Variants in TSHZ3 observed in about 807,000 individuals in gnomAD.
TSHZ3 encodes the protein teashirt homolog 3.
A neutral mutation model predicts 64.5 loss-of-function variants in TSHZ3; 10 were observed. That is an observed-to-expected ratio of 0.16 (90% CI 0.10 to 0.26). The LOEUF (loss-of-function observed/expected upper bound fraction) is 0.26. Among genes scored for constraint, TSHZ3 ranks in the 10% least tolerant of loss-of-function variants. The pLI, the probability that TSHZ3 is intolerant of heterozygous loss-of-function variation, is 1.00. For synonymous variants in TSHZ3, 608 were observed against 593.1 expected, an observed-to-expected ratio of 1.03 and a Z score of -0.36; for missense variants, 1,242 against 1,421.7, an observed-to-expected ratio of 0.87 and a Z score of 2.03.
At chr19:31,220,958 T>G (rs1350565588) in intron 4 of TSHZ3, among the ~76,000 whole-genome samples, 1 of 152,192 alleles carries the variant, frequency 6.6e-6, no homozygotes, top group African/African-American at 2.4e-5. Context: ...CCAAAAGTAG[T>G]TACATAAGAA....
upstream of TSHZ3, among the ~76,000 whole-genome samples, chr19:31,350,412 C>T (rs996050135): frequency 1.2e-4 from 18 of 151,616 alleles, no homozygotes; most frequent in Non-Finnish European, 1.9e-4. Flanking sequence ...TCCCTCCACC[C>T]CGCCCCTCGC....
chr19:31,273,696 C>T (rs572849204), downstream of TSHZ3, among the ~76,000 whole-genome samples: 11 of 152,316 alleles, frequency 7.2e-5, no homozygotes, highest in South Asian at 2.3e-3. Flanking sequence ...GTCTCTGTCC[C>T]CTGAGACGCA....
Position 31,170,688 on chromosome 19 carries a change from C to T in TSHZ3, n.810-14271G>A, listed in dbSNP as rs79549232. Among the ~76,000 whole-genome samples, 1,386 of 152,312 alleles carry T rather than the reference C, an allele frequency of 9.1e-3. 24 individuals are homozygous for T. The highest frequency in any genetic ancestry group is 0.032 in the African/African-American group (1,313 of 41,576). ...GAAATTAAAAGTAACCTACAAAACA[C>T]CTGATTTTGAAAAGATGTTTCCCCA... On this transcript the variant is annotated intron_variant and non_coding_transcript_variant, in intron 5 of 6. Coordinates refer to the TSHZ3 transcript ENST00000651361.
At chr19:31,172,644 T>A (rs1331980282) in intron 5 of TSHZ3, among the ~76,000 whole-genome samples, 2 of 152,166 alleles carry the variant, frequency 1.3e-5, no homozygotes, top group Non-Finnish European at 2.9e-5. Flanking sequence ...ATCATGAACA[T>A]AAAGATCATA....
chr19:31,339,030 TGGTACCC>T (rs1917345691), intron 1 of TSHZ3, among the ~76,000 whole-genome samples: 1 of 151,998 alleles, frequency 6.6e-6, no homozygotes, highest in African/African-American at 2.4e-5. Context: ...AAATGATAAA[TGGTACCC>T]GAAGCCCGGC....
chr19:31,234,044 A>G (rs1187865837), intron 3 of TSHZ3, among the ~76,000 whole-genome samples: 1 of 152,006 alleles, frequency 6.6e-6, no homozygotes, highest in Non-Finnish European at 1.5e-5. Flanking sequence ...CCCATCCACT[A>G]ACAGGACATG....
At chr19:31,235,580 C>CTCTT (rs71173955) in intron 3 of TSHZ3, among the ~76,000 whole-genome samples, 54,549 of 149,814 alleles carry the variant, frequency 0.36, 13,641 homozygotes, top group African/African-American at 0.71. Flanking sequence ...TTCTTTCCTT[C>CTCTT]TCTTTTTTCT....
At chr19:31,190,323 G>T (rs911092204) in intron 5 of TSHZ3, among the ~76,000 whole-genome samples, 11 of 152,174 alleles carry the variant, frequency 7.2e-5, no homozygotes, top group African/African-American at 2.7e-4. Flanking sequence ...CTACAAGACA[G>T]AATGTGAACT....
chr19:31,316,892 T>G (rs1285704777), intron 1 of TSHZ3, among the ~76,000 whole-genome samples: 1 of 152,180 alleles, frequency 6.6e-6, no homozygotes, highest in Non-Finnish European at 1.5e-5. Context: ...TATTTCTCAA[T>G]TATTTGAGTC....
At chr19:31,341,001 C>A (rs1917416952) in intron 1 of TSHZ3, among the ~76,000 whole-genome samples, 1 of 152,250 alleles carries the variant, frequency 6.6e-6, no homozygotes, top group Non-Finnish European at 1.5e-5. Flanking sequence ...CCTTCTCACA[C>A]AGGCACCTTC....
intron 1 of TSHZ3, among the ~76,000 whole-genome samples, chr19:31,306,518 T>C (rs1043669027): frequency 1.3e-5 from 2 of 152,154 alleles, no homozygotes; most frequent in African/African-American, 4.8e-5. Flanking sequence ...AGGGCACACG[T>C]GCACGTGCGT....
chr19:31,317,202 C>T (rs1178192099), intron 1 of TSHZ3, among the ~76,000 whole-genome samples: 1 of 152,114 alleles, frequency 6.6e-6, no homozygotes, highest in African/African-American at 2.4e-5. Flanking sequence ...CTGGGCATGC[C>T]CCCAGCCCCA....
chr19:31,169,115 G>GA (rs552493903), intron 5 of TSHZ3, among the ~76,000 whole-genome samples: 63 of 144,342 alleles, frequency 4.4e-4, no homozygotes, highest in African/African-American at 1.2e-3. Flanking sequence ...AGCAGACATT[G>GA]AAAAAAAAAA....
intron 4 of TSHZ3, among the ~76,000 whole-genome samples, chr19:31,223,439 TG>T (rs977620715): frequency 2.6e-5 from 4 of 151,370 alleles, no homozygotes; most frequent in Non-Finnish European, 4.4e-5. Flanking sequence ...TATGTACATC[TG>T]AAAAGTCACC....
At chr19:31,264,067 T>C (rs1976017438) in intron 1 of TSHZ3, among the ~76,000 whole-genome samples, 1 of 152,038 alleles carries the variant, frequency 6.6e-6, no homozygotes, top group Non-Finnish European at 1.5e-5. Flanking sequence ...AGGAGTGCAG[T>C]GGGGAGATGG....
At chr19:31,158,508 C>T (rs1399950972) in intron 5 of TSHZ3, among the ~76,000 whole-genome samples, 1 of 152,104 alleles carries the variant, frequency 6.6e-6, no homozygotes, top group African/African-American at 2.4e-5. Context: ...TCTGGAGGCT[C>T]TAGAATGGTG....
At chr19:31,195,220 C>A (rs1599574794) in intron 5 of TSHZ3, among the ~76,000 whole-genome samples, 3 of 79,106 alleles carry the variant, frequency 3.8e-5, no homozygotes, top group African/African-American at 5.3e-5. Flanking sequence ...TAATGTCACA[C>A]ACCAACCACA....
chr19:31,249,424 A>C (rs1004298918), intron 1 of TSHZ3, among the ~76,000 whole-genome samples: 1 of 152,186 alleles, frequency 6.6e-6, no homozygotes, highest in East Asian at 1.9e-4. Flanking sequence ...GCAGGCCAGC[A>C]GGTTCCCTGT....
In TSHZ3 at chr19:31,170,313, C is replaced by A. The variant is rs190506014; in HGVS notation, n.810-13896G>T. ...ATGGGGGAAACAGAGCTCTGGTAGT[C>A]TCTTCCTCTCCTTATAAGGGCACTA... On this transcript the variant is annotated intron_variant and non_coding_transcript_variant, in intron 5 of 6. Coordinates refer to the TSHZ3 transcript ENST00000651361. Among the ~76,000 whole-genome samples the A allele has an allele frequency of 9.2e-5, 14 of 152,196 alleles. No homozygotes were observed. The East Asian group carries it at 2.7e-3, about 29-fold the overall frequency.
Sources: allele counts gnomAD v4.1 joint callset (sites outside exome capture counted in the v4.1 genomes callset), GRCh38; gene constraint gnomAD v4.1.1; transcripts MANE v1.5; gene names NCBI Gene and HGNC (gene_info 2026-07-23, HGNC 2026-07-21).